Variants in RARB observed in about 807,000 individuals in gnomAD.
RARB encodes HBV-activated protein.
Under a neutral mutation model 51.9 loss-of-function variants are expected in RARB, and 17 were observed. The observed-to-expected ratio is 0.33, with a 90% CI of 0.22 to 0.49. The LOEUF is 0.49. Among genes scored for constraint, RARB ranks in the 20% least tolerant of loss-of-function variants. The probability of loss-of-function intolerance (pLI) is 0.99; values close to 1 mark genes in which losing one functional copy is unlikely to be tolerated. For missense variants in RARB, 369 were observed against 550.8 expected, an observed-to-expected ratio of 0.67 and a Z score of 3.30; for synonymous variants, 215 against 195.4, an observed-to-expected ratio of 1.10 and a Z score of -0.84.
In RARB at chr3:24,878,093, C is replaced by T. The variant is rs555297439; in HGVS notation, c.-380+19341C>T. ...CAAAGTGAGTGTTTTGAGGCTATGT[C>T]GTTAGCCATATACTTGTTTAGAATT... On this transcript the variant is annotated intron_variant, in intron 2 of 11. Transcript: ENST00000383772. Among the ~76,000 whole-genome samples the T allele has an allele frequency of 6.6e-5, 10 of 152,212 alleles. No homozygotes were observed. The South Asian group carries it at 8.3e-4, about 13-fold the overall frequency.
intron 2 of RARB, among the ~76,000 whole-genome samples, chr3:25,477,076 GACA>G (rs1695987673): frequency 6.6e-6 from 1 of 152,214 alleles, no homozygotes. Flanking sequence ...GTTATCACAG[GACA>G]ATAGCTATGG....
intron 2 of RARB, among the ~76,000 whole-genome samples, chr3:24,879,663 C>CA (rs1319927103): frequency 2.6e-5 from 4 of 151,748 alleles, no homozygotes; most frequent in South Asian, 4.2e-4. Context: ...ATCTTTTAAA[C>CA]AAAAAACCGA....
chr3:25,357,093 G>T (rs1243211372), intron 5 of RARB, among the ~76,000 whole-genome samples: 1 of 152,138 alleles, frequency 6.6e-6, no homozygotes, highest in Non-Finnish European at 1.5e-5. Flanking sequence ...TCACCACACT[G>T]TTTCCCACAA....
chr3:24,970,040 T>G (rs151068316), intron 2 of RARB, among the ~76,000 whole-genome samples: 1 of 152,166 alleles, frequency 6.6e-6, no homozygotes, highest in East Asian at 1.9e-4. Context: ...GAGCAGACAG[T>G]ACATATTTTA....
At chr3:25,200,887 C>T (rs1171701889) in intron 5 of RARB, among the ~76,000 whole-genome samples, 3 of 152,158 alleles carry the variant, frequency 2.0e-5, no homozygotes, top group African/African-American at 7.2e-5. Context: ...ATACCTCCAG[C>T]TTTGTTCTTT....
intron 3 of RARB, among the ~76,000 whole-genome samples, chr3:25,533,503 T>C (rs1437316307): frequency 1.3e-5 from 2 of 152,234 alleles, no homozygotes; most frequent in South Asian, 2.1e-4. Context: ...CCATGGGTAG[T>C]ATAGCACATG....
At chr3:24,908,475 C>T (rs930178594) in intron 2 of RARB, among the ~76,000 whole-genome samples, 1 of 152,062 alleles carries the variant, frequency 6.6e-6, no homozygotes, top group Non-Finnish European at 1.5e-5. Context: ...TTTGGATCTT[C>T]TCCTTGATAA....
intron 5 of RARB, among the ~76,000 whole-genome samples, chr3:25,587,184 C>T (rs982391814): frequency 2.0e-5 from 3 of 151,900 alleles, no homozygotes; most frequent in Non-Finnish European, 4.4e-5. Context: ...TAGTTCCTGG[C>T]ACATAGTAAG....
At chr3:25,420,970 G>A (rs1409737197) in intron 5 of RARB, among the ~76,000 whole-genome samples, 2 of 144,434 alleles carry the variant, frequency 1.4e-5, no homozygotes, top group African/African-American at 5.1e-5. Flanking sequence ...CTAAGGTGCT[G>A]AGGCTCAACA....
rs534356685 is a variant in RARB, at chr3:25,359,472, C to G, written c.179-101721C>G. 2.6e-5 allele frequency among the ~76,000 whole-genome samples: 4 copies of G among 151,708 alleles called. No individual in the cohort carries two copies. The East Asian group carries it at 7.7e-4, about 29-fold the overall frequency. On this transcript the variant is annotated intron_variant, in intron 5 of 11. Coordinates refer to the RARB transcript ENST00000383772. ...CGAAGGGTTTTTCAATTCTCTGTCT[C>G]TTTCAGTTCTGCTCTGACTTTAGTT...
At chr3:25,206,545 G>A (rs1208998183) in intron 5 of RARB, among the ~76,000 whole-genome samples, 1 of 152,070 alleles carries the variant, frequency 6.6e-6, no homozygotes, top group African/African-American at 2.4e-5. Flanking sequence ...AATCTTTTGA[G>A]GTCATTCCCT....
rs542004360 is a variant in RARB at position 25,564,255 on chromosome 3, A to G, written c.449-5503A>G. Among the ~76,000 whole-genome samples the G allele has an allele frequency of 3.9e-5, 6 of 152,360 alleles. No homozygotes were observed. The South Asian group carries it at 1.0e-3, about 26-fold the overall frequency. On this transcript the variant is annotated intron_variant, in intron 3 of 7. Coordinates refer to ENST00000330688, the MANE Select transcript of RARB (RefSeq NM_000965.5). ...TTATTACATTCATTTCATTTGCAATATGATAGTGGATCATAAATATGTTAC... is the reference window on the plus strand; with the variant it reads ...TTATTACATTCATTTCATTTGCAATGTGATAGTGGATCATAAATATGTTAC...
intron 2 of RARB, among the ~76,000 whole-genome samples, chr3:25,003,387 A>C (rs1187875434): frequency 6.6e-6 from 1 of 152,134 alleles, no homozygotes; most frequent in Admixed American, 6.6e-5. Context: ...AAATAACAAT[A>C]TAGTCTATTT....
chr3:25,333,897 C>T (rs1202699207), intron 5 of RARB, among the ~76,000 whole-genome samples: 1 of 152,182 alleles, frequency 6.6e-6, no homozygotes, highest in Admixed American at 6.5e-5. Flanking sequence ...CAAAAGAAGA[C>T]ATTTATGCAG....
intron 2 of RARB, among the ~76,000 whole-genome samples, chr3:24,956,924 A>T (rs1353771074): frequency 1.3e-5 from 2 of 152,258 alleles, no homozygotes; most frequent in Non-Finnish European, 1.5e-5. Context: ...CAGTTGCAAC[A>T]GCCAGTACAG....
At chr3:25,045,091 G>A (rs1024362344) in intron 2 of RARB, among the ~76,000 whole-genome samples, 1 of 152,324 alleles carries the variant, frequency 6.6e-6, no homozygotes. Flanking sequence ...GCATCAGGAG[G>A]TTTGAGAGGA....
intron 5 of RARB, among the ~76,000 whole-genome samples, chr3:25,208,492 A>C (rs559870284): frequency 1.3e-5 from 2 of 152,184 alleles, no homozygotes; most frequent in South Asian, 4.1e-4. Context: ...CATTCTATCA[A>C]TAAAGCCCAT....
At chr3:25,470,533 G>A (rs1214591490) in intron 2 of RARB, among the ~76,000 whole-genome samples, 1 of 152,124 alleles carries the variant, frequency 6.6e-6, no homozygotes, top group African/African-American at 2.4e-5. Flanking sequence ...GAGTGTTCCA[G>A]GCAAAAGTTG....
At chr3:24,939,265 T>C (rs551568478) in intron 2 of RARB, among the ~76,000 whole-genome samples, 2 of 152,354 alleles carry the variant, frequency 1.3e-5, no homozygotes, top group African/African-American at 4.8e-5. Flanking sequence ...TTGTGAACAA[T>C]GCTTCCGTGA....
Sources: gnomAD v4.1 joint callset for allele counts (sites outside exome capture counted in the v4.1 genomes callset) on GRCh38, gnomAD v4.1.1 for gene constraint, MANE v1.5 for transcripts, NCBI Gene and HGNC (gene_info 2026-07-23, HGNC 2026-07-21) for gene names.